Variants in BTAF1 observed in about 807,000 individuals in gnomAD.
The protein encoded by BTAF1 is B-TFIID TATA-box binding protein associated factor 1.
A neutral mutation model predicts 227.1 loss-of-function variants in BTAF1; 38 were observed. The ratio of observed to expected loss-of-function variants is 0.17; its 90% CI spans 0.13 to 0.22. BTAF1 has a LOEUF of 0.22. Among genes scored for constraint, BTAF1 ranks in the 10% least tolerant of loss-of-function variants. BTAF1 has a pLI of 1.00. For synonymous variants in BTAF1, 742 were observed against 751.9 expected (o/e 0.99, Z 0.21); for missense variants, 1,598 against 2,204.0 (o/e 0.73, Z 5.51).
intron 30 of BTAF1, 87 bp from the exon 31 acceptor site, chr10:92,013,580 T>G: frequency 6.6e-7 from 1 of 1,514,660 alleles, no homozygotes; most frequent in Admixed American, 1.7e-5. Context: ...TCTATATGAT[T>G]ATAATAATGG....
chr10:91,950,163 A>G (rs1845668190), intron 4 of BTAF1, among the ~76,000 whole-genome samples: 10 of 81,522 alleles, frequency 1.2e-4, no homozygotes, highest in South Asian at 4.6e-4. Flanking sequence ...GGGGGCGGGA[A>G]AGAAGACTAG....
chr10:91,952,427 C>T (rs1319491872), intron 5 of BTAF1, among the ~76,000 whole-genome samples: 9 of 152,098 alleles, frequency 5.9e-5, no homozygotes, highest in Admixed American at 5.9e-4. Context: ...TGGCTCTCTT[C>T]GGAAAAATGC....
intron 34 of BTAF1, among the ~76,000 whole-genome samples, chr10:92,021,317 C>T (rs983631108): frequency 2.0e-5 from 3 of 152,064 alleles, no homozygotes; most frequent in Admixed American, 6.6e-5. Flanking sequence ...TAAAAGAAAA[C>T]ACTTAGGTGT....
At chr10:91,929,539 T>C (rs897366836) in intron 1 of BTAF1, among the ~76,000 whole-genome samples, 1 of 152,204 alleles carries the variant, frequency 6.6e-6, no homozygotes, top group Admixed American at 6.5e-5. Context: ...TTTGCACTGT[T>C]GATACTTCAG....
chr10:92,003,004 A>G (rs923943892), intron 25 of BTAF1, among the ~76,000 whole-genome samples: 2 of 152,114 alleles, frequency 1.3e-5, no homozygotes, highest in Admixed American at 6.5e-5. Context: ...TGAAAATACA[A>G]AAGTTAGCTG....
At chr10:91,991,277 T>A (rs9633691) in intron 20 of BTAF1, among the ~76,000 whole-genome samples, 10 of 104,986 alleles carry the variant, frequency 9.5e-5, no homozygotes, top group East Asian at 3.0e-4. Context: ...TATAAATATA[T>A]ATATATATAT....
intron 4 of BTAF1, 98 bp from the exon 5 acceptor site, chr10:91,951,305 T>A: frequency 1.6e-6 from 2 of 1,256,980 alleles, no homozygotes; most frequent in East Asian, 2.6e-5. Flanking sequence ...GCAGAAGGGA[T>A]GCTTTGTGTA....
At chr10:91,942,319 T>C in intron 3 of BTAF1, 103 bp from the exon 4 acceptor site, 1 of 869,384 alleles carries the variant, frequency 1.2e-6, no homozygotes, top group East Asian at 2.7e-5. Context: ...TGTGTGTGTG[T>C]GTGTGTGTGT....
At chr10:91,926,529 A>G (rs541809594) in intron 1 of BTAF1, among the ~76,000 whole-genome samples, 1 of 152,224 alleles carries the variant, frequency 6.6e-6, no homozygotes, top group East Asian at 1.9e-4. Flanking sequence ...TTCTTTCTAT[A>G]CCAGTTACCA....
At chr10:91,947,341 C>A (rs1050048639) in intron 4 of BTAF1, among the ~76,000 whole-genome samples, 6 of 151,994 alleles carry the variant, frequency 3.9e-5, no homozygotes, top group Non-Finnish European at 8.8e-5. Context: ...AGTTTTATAG[C>A]TTTAGTTTTT....
intron 25 of BTAF1, among the ~76,000 whole-genome samples, chr10:92,007,243 G>C (rs1849979582): frequency 8.4e-6 from 1 of 119,048 alleles, no homozygotes; most frequent in Admixed American, 9.5e-5. Flanking sequence ...TTTTGAGATG[G>C]AGTCTCGCTG....
Position 92,016,400 on chromosome 10 carries a change from T to G in BTAF1, c.4645T>G (p.Ser1549Ala). The change falls in exon 33 of 38, where the codon TCT becomes GCT. Residue 1549 changes from serine (S) to alanine (A), a missense_variant. This residue lies in a region of BTAF1 where 205 missense variants were observed against 244.5 expected (regional missense o/e 0.84). Transcript: ENST00000265990. The part of the protein sequence containing the change: ...RAKCDVDETV[S>A]SATLSEETEK... ...CAAGTGTGATGTTGATGAAACAGTT[T>G]CTTCAGCTACACTTTCTGAAGAAAC... is the stretch of plus-strand genomic sequence containing the variant. The G allele has an allele frequency of 6.2e-7, 1 of 1,601,720 alleles. No individual in the cohort carries two copies. The highest frequency in any genetic ancestry group is 8.5e-7 in the Non-Finnish European group (1 of 1,174,868).
chr10:91,954,800 C>T (rs186586278), intron 6 of BTAF1, among the ~76,000 whole-genome samples: 1 of 152,266 alleles, frequency 6.6e-6, no homozygotes, highest in Non-Finnish European at 1.5e-5. Context: ...TCAAGTGGTC[C>T]TCCTTCCTCG....
chr10:92,010,502 T>C (rs972639875), intron 28 of BTAF1, among the ~76,000 whole-genome samples: 5 of 152,216 alleles, frequency 3.3e-5, no homozygotes, highest in South Asian at 2.1e-4. Context: ...ACATAACTTA[T>C]TGTTACTATT....
chr10:91,927,995 T>C (rs1220656554), intron 1 of BTAF1, among the ~76,000 whole-genome samples: 2 of 151,032 alleles, frequency 1.3e-5, no homozygotes, highest in Non-Finnish European at 3.0e-5. Context: ...TTTTTTTTTT[T>C]TTTTGCAGTA....
chr10:91,984,090 A>C, intron 18 of BTAF1, 111 bp from the exon 19 acceptor site: 1 of 884,372 alleles, frequency 1.1e-6, no homozygotes, highest in Non-Finnish European at 1.7e-6. Flanking sequence ...AACAGAATAT[A>C]GATTCAGTAC....
chr10:92,028,740 G>A, intron 37 of BTAF1, 50 bp from the exon 38 acceptor site: 1 of 1,510,784 alleles, frequency 6.6e-7, no homozygotes, highest in East Asian at 2.3e-5. Context: ...TACAATTTGT[G>A]AAGTTAACCT....
At chr10:91,938,890 C>T (rs1440255589) in intron 2 of BTAF1, among the ~76,000 whole-genome samples, 1 of 144,962 alleles carries the variant, frequency 6.9e-6, no homozygotes, top group Non-Finnish European at 1.5e-5. Flanking sequence ...TGTGAGTCTA[C>T]TAAATTTTTT....
chr10:92,027,258 C>T lies in BTAF1; in HGVS notation c.5364C>T (p.Ser1788=), dbSNP rs1337285813. ...GCCAAGAGAATTCTAGTTTGCAGAG[C>T]ATGGGGACTGATCAGCTTCTTGATC... is the stretch of plus-strand genomic sequence containing the variant. ...VISQENSSLQ[S]MGTDQLLDLF... Residue 1788 remains serine, a synonymous_variant, in exon 37 of 38, where the codon AGC becomes AGT. Coordinates refer to ENST00000265990, the MANE Select transcript of BTAF1 (RefSeq NM_003972.3). 3 of 1,613,654 alleles carry T rather than the reference C, an allele frequency of 1.9e-6. No homozygotes were observed. Among genetic ancestry groups the T allele is most frequent in the Non-Finnish European group, 1.7e-6 (2 of 1,179,840 alleles).
Sources: allele counts gnomAD v4.1 joint callset (sites outside exome capture counted in the v4.1 genomes callset), GRCh38; gene constraint gnomAD v4.1.1; regional missense constraint gnomAD v4.1.1; transcripts MANE v1.5; gene names NCBI Gene and HGNC (gene_info 2026-07-23, HGNC 2026-07-21).